SYT14: variants seen among roughly 807,000 people sequenced by gnomAD.
SYT14 encodes synaptotagmin-14.
A neutral mutation model predicts 74.2 loss-of-function variants in SYT14; 32 were observed. The ratio of observed to expected loss-of-function variants is 0.43; its 90% CI spans 0.33 to 0.58. SYT14 has a LOEUF of 0.58. Among genes scored for constraint, SYT14 ranks in the 20% least tolerant of loss-of-function variants. The probability of loss-of-function intolerance (pLI) is 0.05; values close to 1 mark genes in which losing one functional copy is unlikely to be tolerated. For missense variants in SYT14, 791 were observed against 981.8 expected (o/e 0.81, Z 2.60); for synonymous variants, 298 against 337.7 (o/e 0.88, Z 1.29).
chr1:210,168,402 A>T (rs1205135470), exon 10 of SYT14: 3 of 152,108 alleles, frequency 2.0e-5, no homozygotes, highest in Admixed American at 2.0e-4. Context: ...GTACTGTTAG[A>T]CATTTGAGTT....
intron 1 of SYT14, among the ~76,000 whole-genome samples, chr1:209,938,683 C>T (rs34437895): frequency 6.6e-6 from 1 of 152,068 alleles, no homozygotes; most frequent in African/African-American, 2.4e-5. Context: ...TCTTTTCTTT[C>T]CCCGGCCGCG....
rs1252735288 is a variant in SYT14, at chr1:209,942,371, C to CG, written c.-534+4094_-534+4095insG. ...CTCCATGCAAATTTACCCCCCCCCC[C>CG]CCGCTCTGTTGTGCAGATTTACCAT... On this transcript the variant is annotated intron_variant, in intron 1 of 9. Coordinates refer to ENST00000637265, the Ensembl canonical transcript of SYT14. Among the ~76,000 whole-genome samples the CG allele has an allele frequency of 6.1e-5, 8 of 131,722 alleles. 1 individual carries two copies. The highest frequency in any genetic ancestry group is 2.4e-4 in the African/African-American group (8 of 33,690). 86.4% of individuals were successfully genotyped at this position (131,722 alleles called of 152,430 possible).
intron 5 of SYT14, among the ~76,000 whole-genome samples, chr1:210,089,631 T>C (rs2081820959): frequency 6.6e-6 from 1 of 152,242 alleles, no homozygotes; most frequent in Non-Finnish European, 1.5e-5. Flanking sequence ...TATTTTGAAG[T>C]ATATTTTAAT....
intron 5 of SYT14, among the ~76,000 whole-genome samples, chr1:210,081,713 A>T (rs2081619605): frequency 6.6e-6 from 1 of 152,184 alleles, no homozygotes; most frequent in African/African-American, 2.4e-5. Context: ...ACACAGTTGG[A>T]GAGATAAAAC....
chr1:210,101,670 AAG>A (rs1464850756), intron 7 of SYT14, among the ~76,000 whole-genome samples: 2 of 151,744 alleles, frequency 1.3e-5, no homozygotes, highest in Non-Finnish European at 2.9e-5. Context: ...GGGGAGAAAA[AAG>A]AGTTCAGGCA....
chr1:209,999,250 AT>A (rs1242871333), intron 2 of SYT14, among the ~76,000 whole-genome samples: 1 of 152,180 alleles, frequency 6.6e-6, no homozygotes, highest in African/African-American at 2.4e-5. Context: ...AAGATAAAAA[AT>A]AACAGATGTT....
At chr1:210,092,581 A>G (rs764077218) in intron 5 of SYT14, among the ~76,000 whole-genome samples, 9 of 152,228 alleles carry the variant, frequency 5.9e-5, no homozygotes, top group Non-Finnish European at 1.0e-4. Context: ...TTAACTGCCT[A>G]AAACCACTTG....
At chr1:210,042,572 G>A (rs886934872) in intron 5 of SYT14, among the ~76,000 whole-genome samples, 1 of 152,104 alleles carries the variant, frequency 6.6e-6, no homozygotes, top group African/African-American at 2.4e-5. Context: ...TCAGTTTTCT[G>A]CTTATGGCTA....
chr1:209,993,299 C>T (rs2079727813), intron 2 of SYT14, among the ~76,000 whole-genome samples: 1 of 152,236 alleles, frequency 6.6e-6, no homozygotes, highest in African/African-American at 2.4e-5. Flanking sequence ...TGGACACATG[C>T]CTAGCTGCCC....
At chr1:209,973,185 T>G (rs562216955) in intron 2 of SYT14, among the ~76,000 whole-genome samples, 1 of 152,228 alleles carries the variant, frequency 6.6e-6, no homozygotes, top group Admixed American at 6.5e-5. Flanking sequence ...TTTTTCTGTT[T>G]GTGTGATAGA....
chr1:209,979,466 A>G (rs1175953942), intron 2 of SYT14, among the ~76,000 whole-genome samples: 1 of 151,756 alleles, frequency 6.6e-6, no homozygotes, highest in South Asian at 2.1e-4. Context: ...TTTTAAGTTT[A>G]GGGGTACATT....
At chr1:210,149,536 G>A (rs2083116629) in intron 7 of SYT14, among the ~76,000 whole-genome samples, 1 of 151,984 alleles carries the variant, frequency 6.6e-6, no homozygotes, top group Non-Finnish European at 1.5e-5. Flanking sequence ...ATGGTCAAAC[G>A]CTGATAAAAT....
chr1:210,143,984 G>A (rs976236709), intron 7 of SYT14, among the ~76,000 whole-genome samples: 3 of 152,070 alleles, frequency 2.0e-5, no homozygotes, highest in African/African-American at 4.8e-5. Context: ...AGGAAATTGA[G>A]TCTCAAGGAA....
intron 7 of SYT14, among the ~76,000 whole-genome samples, chr1:210,144,925 T>A (rs1298641735): frequency 6.6e-6 from 1 of 151,558 alleles, no homozygotes; most frequent in Non-Finnish European, 1.5e-5. Context: ...GGATACGGAG[T>A]CTTTAGCAAC....
intron 5 of SYT14, among the ~76,000 whole-genome samples, chr1:210,062,173 G>T (rs983179932): frequency 6.6e-6 from 1 of 151,822 alleles, no homozygotes; most frequent in East Asian, 1.9e-4. Context: ...AGTTGCATTA[G>T]CCTGCTGGAT....
exon 10 of SYT14, chr1:210,163,757 A>C: frequency 2.2e-6 from 1 of 453,752 alleles, no homozygotes; most frequent in South Asian, 1.6e-5. Context: ...GGCTCAGGGG[A>C]CCCACTTCAC....
chr1:210,013,883 G>T, intron 3 of SYT14, 86 bp downstream of exon 3: 1 of 1,350,318 alleles, frequency 7.4e-7, no homozygotes, highest in South Asian at 1.4e-5. Context: ...TAAAAAGGTT[G>T]GTTGTGACAT....
intron 2 of SYT14, among the ~76,000 whole-genome samples, chr1:209,965,353 C>T (rs1273128173): frequency 6.6e-6 from 1 of 152,192 alleles, no homozygotes; most frequent in Non-Finnish European, 1.5e-5. Flanking sequence ...AGGATGATGG[C>T]CTCCAACTAC....
chr1:210,116,294 AGTT>A (rs957506921), intron 7 of SYT14, among the ~76,000 whole-genome samples: 2 of 152,098 alleles, frequency 1.3e-5, no homozygotes, highest in African/African-American at 4.8e-5. Flanking sequence ...TATTGCCTGT[AGTT>A]TCATTTTTGC....
Sources: allele counts gnomAD v4.1 joint callset (sites outside exome capture counted in the v4.1 genomes callset), GRCh38; gene constraint gnomAD v4.1.1; transcripts MANE v1.5; gene names NCBI Gene and HGNC (gene_info 2026-07-23, HGNC 2026-07-21).